The following UTRN variants were observed in gnomAD, a reference collection of about 807,000 sequenced individuals.
UTRN encodes utrophin, also known as dystrophin-related protein 1.
UTRN carries 283 observed loss-of-function variants against 463.9 expected under a neutral mutation model. That is an observed-to-expected ratio of 0.61 (90% confidence interval 0.55 to 0.67). The LOEUF (loss-of-function observed/expected upper bound fraction) is 0.67. Ranked by LOEUF, UTRN falls within the 30% of genes least tolerant of loss-of-function variation. The pLI is 0.00. For synonymous variants in UTRN, 1,442 were observed against 1,431.5 expected, an observed-to-expected ratio of 1.01 and a Z score of -0.17; for missense variants, 3,922 against 4,084.3, an observed-to-expected ratio of 0.96 and a Z score of 1.08.
intron 25 of UTRN, among the ~76,000 whole-genome samples, chr6:144,479,114 G>GTTTTTTT (rs36044387): frequency 1.7e-5 from 2 of 114,786 alleles, no homozygotes; most frequent in African/African-American, 3.6e-5. Context: ...GCTTCTAGGG[G>GTTTTTTT]TTTTTTTTTT....
chr6:144,641,061 A>C (rs543632876), intron 51 of UTRN, among the ~76,000 whole-genome samples: 3 of 152,328 alleles, frequency 2.0e-5, no homozygotes, highest in East Asian at 3.9e-4. Context: ...GAACCCAAGA[A>C]TATCTGAGAC....
At chr6:144,592,018 A>T (rs1803127021) in intron 51 of UTRN, among the ~76,000 whole-genome samples, 2 of 152,180 alleles carry the variant, frequency 1.3e-5, no homozygotes. Flanking sequence ...TGGTTGTAAT[A>T]TAGAAGTACG....
At chr6:144,520,916 G>A (rs951397134) in intron 39 of UTRN, among the ~76,000 whole-genome samples, 3 of 152,130 alleles carry the variant, frequency 2.0e-5, no homozygotes, top group East Asian at 3.9e-4. Context: ...TTAAATTGTG[G>A]CCATCTAGGA....
At chr6:144,448,481 GTATAAATGT>G (rs1031466851) in intron 16 of UTRN, 110 bp from the exon 17 acceptor site, 1 of 1,161,868 alleles carries the variant, frequency 8.6e-7, no homozygotes, top group African/African-American at 1.6e-5. Flanking sequence ...TTATACAACT[GTATAAATGT>G]GCTAATAACC....
At chr6:144,762,625 A>G (rs1297580477) in intron 58 of UTRN, among the ~76,000 whole-genome samples, 1 of 152,188 alleles carries the variant, frequency 6.6e-6, no homozygotes, top group African/African-American at 2.4e-5. Flanking sequence ...CATAGATAGG[A>G]AGATGTCATT....
intron 51 of UTRN, among the ~76,000 whole-genome samples, chr6:144,642,993 C>G (rs1777918127): frequency 1.3e-5 from 2 of 152,110 alleles, no homozygotes; most frequent in African/African-American, 2.4e-5. Flanking sequence ...CTGCTTCAGT[C>G]TTCCTTTCAT....
At chr6:144,419,973 G>C (rs200464886) in intron 3 of UTRN, among the ~76,000 whole-genome samples, 44 of 148,008 alleles carry the variant, frequency 3.0e-4, no homozygotes, top group Admixed American at 2.8e-3. Flanking sequence ...CACAGACACA[G>C]ACACACACAC....
At chr6:144,675,579 G>A (rs904870782) in intron 51 of UTRN, among the ~76,000 whole-genome samples, 1 of 152,158 alleles carries the variant, frequency 6.6e-6, no homozygotes, top group African/African-American at 2.4e-5. Context: ...ACTTGAGTTG[G>A]TTGGCCTCTA....
chr6:144,527,701 T>C (rs772207466), intron 41 of UTRN, among the ~76,000 whole-genome samples: 43 of 152,212 alleles, frequency 2.8e-4, no homozygotes, highest in Non-Finnish European at 5.1e-4. Context: ...TTCTTTTTTC[T>C]TTTTCTTTGT....
intron 51 of UTRN, among the ~76,000 whole-genome samples, chr6:144,642,638 A>G (rs934857697): frequency 3.9e-5 from 6 of 152,140 alleles, no homozygotes; most frequent in African/African-American, 1.2e-4. Flanking sequence ...TAACTATTTA[A>G]TTTGTAATGC....
At chr6:144,807,195 C>T (rs1198049277) in intron 65 of UTRN, among the ~76,000 whole-genome samples, 3 of 152,098 alleles carry the variant, frequency 2.0e-5, no homozygotes, top group Non-Finnish European at 4.4e-5. Flanking sequence ...AAGTCCTTTA[C>T]AGCTGACTCT....
rs765122659 is a variant in UTRN at position 144,484,432 on chromosome 6, C to CTTTTTTTTTTTTT, written c.3688-938_3688-926dup. On this transcript the variant is annotated intron_variant, in intron 27 of 74. Transcript: ENST00000367545. The stretch of plus-strand genomic sequence containing the variant: ...TTTTTCATTTTGTTCAAAAACCAAA[C>CTTTTTTTTTTTTT]TTTTTTTTTTTTTTTTTTTTTTTTT... Among the ~76,000 whole-genome samples the CTTTTTTTTTTTTT allele has an allele frequency of 7.5e-5, 5 of 66,254 alleles. No individual in the cohort carries two copies. The East Asian group carries it at 1.5e-3, about 20-fold the overall frequency. 43.5% of individuals were successfully genotyped at this position (66,254 alleles called of 152,430 possible). A position where few individuals can be genotyped will look rare whatever the true frequency, so the allele number is the denominator to read the frequency against.
chr6:144,524,904 G>T (rs138293577), intron 41 of UTRN, among the ~76,000 whole-genome samples: 1 of 152,092 alleles, frequency 6.6e-6, no homozygotes, highest in Non-Finnish European at 1.5e-5. Flanking sequence ...AATCATAAAG[G>T]GATGCTAGAT....
chr6:144,547,773 C>A (rs1562556111), intron 46 of UTRN, among the ~76,000 whole-genome samples: 1 of 151,936 alleles, frequency 6.6e-6, no homozygotes. Flanking sequence ...ATTCCTCTAT[C>A]AAAAAATAAT....
chr6:144,624,114 A>G (rs1220282900), intron 51 of UTRN, among the ~76,000 whole-genome samples: 2 of 152,194 alleles, frequency 1.3e-5, no homozygotes, highest in Non-Finnish European at 2.9e-5. Flanking sequence ...CAGCTTGATT[A>G]GTGGCTTGGG....
intron 42 of UTRN, among the ~76,000 whole-genome samples, chr6:144,532,651 G>A (rs1398049284): frequency 6.6e-6 from 1 of 152,176 alleles, no homozygotes; most frequent in Non-Finnish European, 1.5e-5. Flanking sequence ...AGTAAAATGT[G>A]CATTTAGGTT....
At chr6:144,662,278 C>G (rs1779945786) in intron 51 of UTRN, among the ~76,000 whole-genome samples, 1 of 152,122 alleles carries the variant, frequency 6.6e-6, no homozygotes, top group African/African-American at 2.4e-5. Flanking sequence ...GGTTTATTGG[C>G]AGGAAAACTG....
At chr6:144,646,262 A>G (rs1444768590) in intron 51 of UTRN, among the ~76,000 whole-genome samples, 1 of 152,150 alleles carries the variant, frequency 6.6e-6, no homozygotes, top group Admixed American at 6.5e-5. Flanking sequence ...CATTCCCTTA[A>G]GTGTATGATG....
At chr6:144,561,623 A>G (rs2128617850) in intron 50 of UTRN, among the ~76,000 whole-genome samples, 1 of 152,232 alleles carries the variant, frequency 6.6e-6, no homozygotes, top group Admixed American at 6.5e-5. Flanking sequence ...TGTAAGGTAT[A>G]TGGGGCAATC....
Sources: gnomAD v4.1 joint callset for allele counts (sites outside exome capture counted in the v4.1 genomes callset) on GRCh38, gnomAD v4.1.1 for gene constraint, MANE v1.5 for transcripts, NCBI Gene and HGNC (gene_info 2026-07-23, HGNC 2026-07-21) for gene names.